Variants in CACNA2D1 observed in about 807,000 individuals in gnomAD.
The protein encoded by CACNA2D1 is voltage-dependent calcium channel subunit alpha-2/delta-1.
CACNA2D1 carries 53 observed loss-of-function variants against 171.5 expected under a neutral mutation model. The observed-to-expected ratio is 0.31, with a 90% CI of 0.25 to 0.39. The LOEUF (loss-of-function observed/expected upper bound fraction) is 0.39, where lower values mean the gene tolerates loss of function less well. Ranked by LOEUF, CACNA2D1 falls within the 10% of genes least tolerant of loss-of-function variation. The pLI is 1.00. For missense variants in CACNA2D1, 903 were observed against 1,299.8 expected (o/e 0.69, Z 4.69); for synonymous variants, 442 against 443.1 (o/e 1.00, Z 0.03).
rs1465450201 is a variant in CACNA2D1, at chr7:81,949,930, T to G, written c.*462A>C. 2 of 159,246 alleles carry G rather than the reference T, an allele frequency of 1.3e-5. No homozygotes were observed. Among genetic ancestry groups the G allele is most frequent in the African/African-American group, 4.8e-5 (2 of 41,534 alleles). The allele number at this position is 159,246 out of a possible 1,614,324, so 9.9% of individuals were successfully genotyped here. A position where few individuals can be genotyped will look rare whatever the true frequency, so the allele number is the denominator to read the frequency against. On this transcript the variant is annotated 3_prime_UTR_variant, in exon 39 of 39. Transcript: ENST00000356860. The stretch of plus-strand genomic sequence containing the variant: ...TTTCTCTATATATTTCAATAATTGC[T>G]ACTTAAAGCAGGAATTAACTTTTCA...
chr7:82,206,246 AAT>A (rs928457308), intron 3 of CACNA2D1, among the ~76,000 whole-genome samples: 6 of 151,454 alleles, frequency 4.0e-5, no homozygotes, highest in African/African-American at 4.8e-5. Context: ...TTGGTAGATA[AAT>A]ATATATATAT....
intron 3 of CACNA2D1, among the ~76,000 whole-genome samples, chr7:82,178,177 G>T (rs1193259523): frequency 6.6e-6 from 1 of 152,022 alleles, no homozygotes; most frequent in Non-Finnish European, 1.5e-5. Context: ...TCGCCTCATA[G>T]CTTCTGGAGT....
intron 3 of CACNA2D1, among the ~76,000 whole-genome samples, chr7:82,174,042 C>CAAAAAAAAAAAAAA (rs71093365): frequency 2.2e-5 from 1 of 45,628 alleles, no homozygotes; most frequent in Non-Finnish European, 3.9e-5. Flanking sequence ...GACCCTGTCT[C>CAAAAAAAAAAAAAA]AAAAAAAAAA....
At chr7:82,280,236 A>C (rs1381666796) in intron 3 of CACNA2D1, among the ~76,000 whole-genome samples, 2 of 152,214 alleles carry the variant, frequency 1.3e-5, no homozygotes, top group East Asian at 3.9e-4. Flanking sequence ...GACATTTAAC[A>C]TATAAAAATA....
At chr7:82,003,744 CTTT>C (rs780882992) in intron 18 of CACNA2D1, among the ~76,000 whole-genome samples, 2 of 137,118 alleles carry the variant, frequency 1.5e-5, no homozygotes, top group Non-Finnish European at 1.6e-5. Context: ...CATCACATTA[CTTT>C]TTTTTTTTTT....
chr7:82,033,582 C>T (rs1802969583), intron 11 of CACNA2D1, among the ~76,000 whole-genome samples: 1 of 152,002 alleles, frequency 6.6e-6, no homozygotes. Flanking sequence ...ACCTAAAATG[C>T]AATGCTCTTT....
intron 3 of CACNA2D1, among the ~76,000 whole-genome samples, chr7:82,325,992 A>G (rs1816605174): frequency 6.6e-6 from 1 of 152,110 alleles, no homozygotes; most frequent in Non-Finnish European, 1.5e-5. Flanking sequence ...CAATTGCCCC[A>G]TGACAAGTAG....
chr7:82,322,682 A>G (rs980688359), intron 3 of CACNA2D1, among the ~76,000 whole-genome samples: 2 of 152,226 alleles, frequency 1.3e-5, no homozygotes, highest in Non-Finnish European at 2.9e-5. Context: ...TTAAAGTGAC[A>G]GAGCATTTCA....
At chr7:81,991,991 C>T (rs980056851) in intron 20 of CACNA2D1, among the ~76,000 whole-genome samples, 2 of 141,916 alleles carry the variant, frequency 1.4e-5, no homozygotes, top group Admixed American at 7.1e-5. Context: ...CCTGCCACCA[C>T]GCCTGGCTCA....
intron 15 of CACNA2D1, among the ~76,000 whole-genome samples, chr7:82,010,311 T>G (rs1799626159): frequency 6.6e-6 from 1 of 152,082 alleles, no homozygotes; most frequent in African/African-American, 2.4e-5. Context: ...AGGATCACTT[T>G]ATCATCTTCA....
chr7:82,024,146 G>GT lies in CACNA2D1; in HGVS notation c.1143+8650dup, dbSNP rs148094297. Among the ~76,000 whole-genome samples the GT allele has an allele frequency of 5.8e-3, 857 of 147,466 alleles. 8 individuals are homozygous for GT. The highest frequency in any genetic ancestry group is 0.019 in the African/African-American group (755 of 40,586). On this transcript the variant is annotated intron_variant, in intron 12 of 38. Coordinates refer to ENST00000356860, the MANE Select transcript of CACNA2D1 (RefSeq NM_000722.4). ...AGTACTCTTCAAGATCCTAACTTCAGTTTTTTTTTTGGATAAGTATCCAGA... is the reference window on the plus strand; with the variant it reads ...AGTACTCTTCAAGATCCTAACTTCAGTTTTTTTTTTTGGATAAGTATCCAGA...
chr7:82,325,772 T>C (rs927179104), intron 3 of CACNA2D1, among the ~76,000 whole-genome samples: 2 of 152,330 alleles, frequency 1.3e-5, no homozygotes, highest in South Asian at 2.1e-4. Context: ...CCAAGTATTT[T>C]TGTAGATACA....
chr7:82,149,237 C>A (rs1793511637), intron 4 of CACNA2D1, among the ~76,000 whole-genome samples: 1 of 152,124 alleles, frequency 6.6e-6, no homozygotes, highest in African/African-American at 2.4e-5. Flanking sequence ...GTTGTTGAAT[C>A]ATCTGATGAA....
In CACNA2D1 at chr7:82,060,434, T is replaced by C; in HGVS notation, c.873A>G (p.Val291=). Residue 291 remains valine, a synonymous_variant, in exon 10 of 39, where the codon GTA becomes GTG. Coordinates refer to ENST00000356860, the MANE Select transcript of CACNA2D1 (RefSeq NM_000722.4). ...GCAGTCATCTTATACTTACTGAAGCTACATTCACGAAATCATCATCTGAGA... is the reference window on the plus strand; with the variant it reads ...GCAGTCATCTTATACTTACTGAAGCCACATTCACGAAATCATCATCTGAGA... ...ETLSDDDFVN[V]ASFNSNAQDV... 1 of 1,600,634 alleles carries C rather than the reference T, an allele frequency of 6.2e-7. No individual in the cohort carries two copies. The highest frequency in any genetic ancestry group is 8.5e-7 in the Non-Finnish European group (1 of 1,170,602).
At chr7:82,169,961 T>TA (rs1370052577) in intron 4 of CACNA2D1, among the ~76,000 whole-genome samples, 1 of 151,758 alleles carries the variant, frequency 6.6e-6, no homozygotes, top group Non-Finnish European at 1.5e-5. Flanking sequence ...TAGTAACTCT[T>TA]AGTTCATAAA....
At chr7:81,987,885 G>T (rs1374664887) in intron 21 of CACNA2D1, among the ~76,000 whole-genome samples, 10 of 152,048 alleles carry the variant, frequency 6.6e-5, no homozygotes, top group African/African-American at 2.2e-4. Flanking sequence ...TATCAGACTT[G>T]GAAGTTCAAA....
At chr7:82,130,822 A>T (rs1790883779) in intron 5 of CACNA2D1, among the ~76,000 whole-genome samples, 1 of 124,806 alleles carries the variant, frequency 8.0e-6, no homozygotes, top group African/African-American at 3.2e-5. Flanking sequence ...TTTGAGACAG[A>T]GTCTCGCTCT....
intron 3 of CACNA2D1, among the ~76,000 whole-genome samples, chr7:82,298,342 G>A (rs1250506422): frequency 6.6e-6 from 1 of 152,094 alleles, no homozygotes; most frequent in East Asian, 1.9e-4. Context: ...GCATTATGAA[G>A]TCATCTGAGA....
At chr7:82,042,705 C>T (rs1391301256) in intron 10 of CACNA2D1, among the ~76,000 whole-genome samples, 2 of 152,096 alleles carry the variant, frequency 1.3e-5, no homozygotes, top group Non-Finnish European at 2.9e-5. Context: ...TGCCCTTCCA[C>T]ATCTCTTGTT....
Sources: gnomAD v4.1 joint callset for allele counts (sites outside exome capture counted in the v4.1 genomes callset) on GRCh38, gnomAD v4.1.1 for gene constraint, MANE v1.5 for transcripts, NCBI Gene and HGNC (gene_info 2026-07-23, HGNC 2026-07-21) for gene names.